Variants in MDFIC2 observed in about 807,000 individuals in gnomAD.
MDFIC2 encodes the protein myoD family inhibitor domain-containing protein 2.
At chr3:70,286,345 G>A (rs528061853) in intron 2 of MDFIC2, among the ~76,000 whole-genome samples, 3,847 of 152,104 alleles carry the variant, frequency 0.025, 78 homozygotes, top group Non-Finnish European at 0.037. Context: ...TTTTTGTCAG[G>A]TTTGTCAAAG....
intron 2 of MDFIC2, among the ~76,000 whole-genome samples, chr3:70,232,024 A>G (rs187684681): frequency 9.4e-4 from 143 of 152,300 alleles, no homozygotes; most frequent in African/African-American, 3.3e-3. Flanking sequence ...TTAGCCATTA[A>G]TAAGCATATT....
intron 2 of MDFIC2, among the ~76,000 whole-genome samples, chr3:70,274,607 C>A (rs899533770): frequency 8.5e-5 from 13 of 152,072 alleles, no homozygotes; most frequent in African/African-American, 3.1e-4. Flanking sequence ...TGGTGGGAAA[C>A]AACACACACT....
chr3:70,311,832 T>A (rs1702456349), intron 2 of MDFIC2, 54 bp downstream of exon 2: 1 of 396,328 alleles, frequency 2.5e-6, no homozygotes, highest in African/African-American at 2.1e-5. Context: ...TCCTTGCTTA[T>A]AAACAAAAGC....
At chr3:70,242,947 C>T (rs1236070336) in intron 2 of MDFIC2, among the ~76,000 whole-genome samples, 2 of 152,078 alleles carry the variant, frequency 1.3e-5, no homozygotes, top group African/African-American at 4.8e-5. Context: ...CAAAAAAAGA[C>T]TTTAAAAAAA....
intron 2 of MDFIC2, among the ~76,000 whole-genome samples, chr3:70,289,861 A>G (rs1483214249): frequency 2.0e-5 from 3 of 151,768 alleles, no homozygotes; most frequent in Admixed American, 1.3e-4. Flanking sequence ...TCGGCTCCTG[A>G]GGCTTCTGCA....
chr3:70,212,304 T>G (rs767556545), intron 2 of MDFIC2, among the ~76,000 whole-genome samples: 1 of 152,156 alleles, frequency 6.6e-6, no homozygotes, highest in Non-Finnish European at 1.5e-5. Flanking sequence ...TGTGGGTAAC[T>G]AGCGAAATCC....
intron 2 of MDFIC2, among the ~76,000 whole-genome samples, chr3:70,291,456 C>G (rs1559555742): frequency 1.3e-5 from 2 of 152,122 alleles, no homozygotes; most frequent in Non-Finnish European, 2.9e-5. Context: ...CCAGATGGAC[C>G]TAGAATCTTG....
At chr3:70,210,172 C>T (rs1341260012) in intron 2 of MDFIC2, among the ~76,000 whole-genome samples, 3 of 152,010 alleles carry the variant, frequency 2.0e-5, no homozygotes, top group African/African-American at 4.8e-5. Flanking sequence ...ATATGATTCT[C>T]TTTTTAATTT....
intron 2 of MDFIC2, chr3:70,283,789 A>C (rs2106684537): frequency 6.6e-6 from 1 of 151,850 alleles, no homozygotes; most frequent in Non-Finnish European, 1.5e-5. Flanking sequence ...AAAAAAAGAG[A>C]GAGAAGAAAA....
chr3:70,200,953 A>G (rs1701231507), intron 3 of MDFIC2, among the ~76,000 whole-genome samples: 1 of 117,900 alleles, frequency 8.5e-6, no homozygotes, highest in Non-Finnish European at 1.7e-5. Flanking sequence ...ACAGCCCTCT[A>G]TACTTTTTTT....
chr3:70,209,458 G>A (rs950661987), intron 2 of MDFIC2, among the ~76,000 whole-genome samples: 2 of 152,012 alleles, frequency 1.3e-5, no homozygotes, highest in East Asian at 1.9e-4. Context: ...TTGAACTTAA[G>A]CATCACAAAG....
chr3:70,212,965 A>G (rs192123586), intron 2 of MDFIC2, among the ~76,000 whole-genome samples: 41 of 151,872 alleles, frequency 2.7e-4, no homozygotes, highest in Admixed American at 9.8e-4. Flanking sequence ...AGCTTATTAT[A>G]GTATTATTAT....
chr3:70,293,262 C>G (rs1012647930), intron 2 of MDFIC2, among the ~76,000 whole-genome samples: 2 of 151,826 alleles, frequency 1.3e-5, no homozygotes, highest in African/African-American at 2.4e-5. Context: ...AAATAAAGTA[C>G]ATAGTATTAC....
intron 2 of MDFIC2, among the ~76,000 whole-genome samples, chr3:70,262,509 G>T (rs1701876280): frequency 6.6e-6 from 1 of 152,142 alleles, no homozygotes; most frequent in Non-Finnish European, 1.5e-5. Context: ...ATGGCTTGGG[G>T]GCTCTGGAAT....
intron 2 of MDFIC2, among the ~76,000 whole-genome samples, chr3:70,306,605 C>G (rs935646114): frequency 6.6e-6 from 1 of 151,540 alleles, no homozygotes; most frequent in Non-Finnish European, 1.5e-5. Context: ...TTTTTTTTCT[C>G]TCTCATGAAT....
intron 3 of MDFIC2, among the ~76,000 whole-genome samples, chr3:70,201,689 GC>G (rs1232173908): frequency 6.6e-6 from 1 of 152,154 alleles, no homozygotes; most frequent in Non-Finnish European, 1.5e-5. Context: ...AATCCAACCT[GC>G]CTTCCATAAT....
chr3:70,298,304 G>T (rs1296068021), intron 2 of MDFIC2, among the ~76,000 whole-genome samples: 1 of 151,990 alleles, frequency 6.6e-6, no homozygotes, highest in Non-Finnish European at 1.5e-5. Context: ...ATTTTCAAGT[G>T]CTTGTTTCAC....
In MDFIC2 at chr3:70,272,339, A is replaced by G. The variant is rs1000025479; in HGVS notation, c.88+39547T>C. On this transcript the variant is annotated intron_variant, in intron 2 of 3. Coordinates refer to ENST00000567252, the MANE Select transcript of MDFIC2 (RefSeq NM_001364677.1). ...ATCACTTTCTGCTACTATAGATTAAATTTGCCTTTCCTAAGATTTCATACA... is the reference window on the plus strand; with the variant it reads ...ATCACTTTCTGCTACTATAGATTAAGTTTGCCTTTCCTAAGATTTCATACA... 3.9e-5 allele frequency: 6 copies of G among 152,106 alleles called. No homozygotes were observed. In the East Asian group the frequency reaches 1.2e-3, roughly 29 times the overall value. 9.4% of individuals were successfully genotyped at this position (152,106 alleles called of 1,614,324 possible).
intron 2 of MDFIC2, among the ~76,000 whole-genome samples, chr3:70,224,456 T>C (rs1222089722): frequency 6.6e-6 from 1 of 152,216 alleles, no homozygotes; most frequent in Non-Finnish European, 1.5e-5. Context: ...GGCCCTTTTT[T>C]AAAGAAAAGC....
Sources: gnomAD v4.1 joint callset for allele counts (sites outside exome capture counted in the v4.1 genomes callset) on GRCh38, gnomAD v4.1.1 for gene constraint, MANE v1.5 for transcripts, NCBI Gene and HGNC (gene_info 2026-07-23, HGNC 2026-07-21) for gene names.